Variants in GAS2L3 observed in about 807,000 individuals in gnomAD.
GAS2L3 encodes the protein growth arrest specific 2 like 3.
In GAS2L3, 28 loss-of-function variants were observed where a neutral mutation model predicts 37.0. The observed-to-expected ratio is 0.76, with a 90% CI of 0.56 to 1.04. The LOEUF (loss-of-function observed/expected upper bound fraction) is 1.04. Ranked by LOEUF, GAS2L3 falls within the 50% of genes least tolerant of loss-of-function variation. GAS2L3 has a pLI of 0.00. For missense variants in GAS2L3, 793 were observed against 817.6 expected, an observed-to-expected ratio of 0.97 and a Z score of 0.37; for synonymous variants, 290 against 296.6, an observed-to-expected ratio of 0.98 and a Z score of 0.23.
chr12:100,620,860 C>G (rs1282031196), intron 8 of GAS2L3, among the ~76,000 whole-genome samples: 2 of 151,968 alleles, frequency 1.3e-5, no homozygotes, highest in Non-Finnish European at 2.9e-5. Context: ...TAAGCCCTTT[C>G]CCAGAGTTCA....
intron 3 of GAS2L3, among the ~76,000 whole-genome samples, chr12:100,597,616 A>C (rs1186695959): frequency 1.3e-5 from 2 of 151,598 alleles, no homozygotes; most frequent in African/African-American, 4.8e-5. Context: ...GGGGTTTTTA[A>C]ATTTACTTTT....
At chr12:100,604,264 C>T (rs923121404) in intron 5 of GAS2L3, among the ~76,000 whole-genome samples, 1 of 151,936 alleles carries the variant, frequency 6.6e-6, no homozygotes, top group Admixed American at 6.6e-5. Context: ...TTGGTGTCCT[C>T]TTCAATTTTT....
At chr12:100,619,521 AG>A (rs2136570466) in intron 8 of GAS2L3, among the ~76,000 whole-genome samples, 1 of 152,212 alleles carries the variant, frequency 6.6e-6, no homozygotes, top group East Asian at 1.9e-4. Flanking sequence ...ATGTAATAAA[AG>A]TCTATAGTAA....
At chr12:100,574,626 T>G (rs1349755826) in intron 1 of GAS2L3, among the ~76,000 whole-genome samples, 1 of 152,196 alleles carries the variant, frequency 6.6e-6, no homozygotes, top group Non-Finnish European at 1.5e-5. Flanking sequence ...GTGGAATAGC[T>G]GATCCCCAGT....
rs548706470 is a variant in GAS2L3 at position 100,623,198 on chromosome 12, T to TA, written c.757-363dup. On this transcript the variant is annotated intron_variant, in intron 9 of 9. Coordinates refer to ENST00000547754, the MANE Select transcript of GAS2L3 (RefSeq NM_174942.3). ...GTAGTAGTGCACAGAGCATAGGACT[T>TA]AGAGTTAAAATTTGTGGATAATCTC... Among the ~76,000 whole-genome samples, 106 of 150,412 alleles carry TA rather than the reference T, an allele frequency of 7.0e-4. 1 individual carries two copies. Among genetic ancestry groups the TA allele is most frequent in the Admixed American group, 6.6e-3 (100 of 15,212 alleles).
chr12:100,620,191 A>G (rs1956236808), intron 8 of GAS2L3, among the ~76,000 whole-genome samples: 1 of 151,970 alleles, frequency 6.6e-6, no homozygotes, highest in Non-Finnish European at 1.5e-5. Context: ...AAATACCCTC[A>G]AATAGGGCAA....
chr12:100,600,635 T>G, intron 4 of GAS2L3, 85 bp downstream of exon 4: 1 of 1,055,560 alleles, frequency 9.5e-7, no homozygotes, highest in Non-Finnish European at 1.4e-6. Context: ...AAGGAGTGAT[T>G]GTTACAGATG....
intron 8 of GAS2L3, among the ~76,000 whole-genome samples, chr12:100,621,644 A>T (rs180773033): frequency 2.4e-4 from 36 of 152,124 alleles, no homozygotes. Flanking sequence ...GATCAAATCT[A>T]GATATTTCCC....
chr12:100,601,824 A>G (rs1474958465), intron 5 of GAS2L3, 71 bp downstream of exon 5: 1 of 723,456 alleles, frequency 1.4e-6, no homozygotes, highest in Non-Finnish European at 2.2e-6. Flanking sequence ...TCTTATCTCT[A>G]GAAGGTTGTA....
At chr12:100,578,874 C>A in intron 1 of GAS2L3, 1 of 775,714 alleles carries the variant, frequency 1.3e-6, no homozygotes, top group South Asian at 1.4e-5. Flanking sequence ...TTTTTCTACC[C>A]AAATATGGGA....
intron 1 of GAS2L3, among the ~76,000 whole-genome samples, chr12:100,576,863 T>C (rs932915915): frequency 2.0e-5 from 3 of 152,246 alleles, no homozygotes; most frequent in African/African-American, 7.2e-5. Flanking sequence ...ATGTCATCTT[T>C]GCCTCTGTAA....
chr12:100,601,179 T>C (rs1955984002), intron 4 of GAS2L3, among the ~76,000 whole-genome samples: 1 of 152,134 alleles, frequency 6.6e-6, no homozygotes, highest in Non-Finnish European at 1.5e-5. Flanking sequence ...AAATACCCAC[T>C]GTAGTTGTCT....
rs1956324719 is a variant in GAS2L3 at position 100,625,603 on chromosome 12, A to G, written c.*713A>G. The G allele has an allele frequency of 6.6e-6, 1 of 152,188 alleles. No homozygotes were observed. Among genetic ancestry groups the G allele is most frequent in the Admixed American group, 6.5e-5 (1 of 15,280 alleles). 9.4% of individuals were successfully genotyped at this position (152,188 alleles called of 1,614,324 possible). On this transcript the variant is annotated 3_prime_UTR_variant, in exon 10 of 10. Coordinates refer to ENST00000547754, the MANE Select transcript of GAS2L3 (RefSeq NM_174942.3). ...ACTGAAATATAAACAAATTTTGTAA[A>G]CAATTTTTTATATTATCTATAAAAA... is the stretch of plus-strand genomic sequence containing the variant.
rs1956333277 is a variant in GAS2L3 at position 100,626,452 on chromosome 12, T to C, written c.*1562T>C. ...CCAAATACTTGGTTTAACTCGACTA[T>C]TGACTTGGGCATTGAGAGAGATGAT... On this transcript the variant is annotated 3_prime_UTR_variant, in exon 10 of 10. Transcript: ENST00000547754. 1 of 152,220 alleles carries C rather than the reference T, an allele frequency of 6.6e-6. No individual in the cohort carries two copies. Among genetic ancestry groups the C allele is most frequent in the Non-Finnish European group, 1.5e-5 (1 of 68,040 alleles). The allele number at this position is 152,220 out of a possible 1,614,324, so 9.4% of individuals were successfully genotyped here. A position where few individuals can be genotyped will look rare whatever the true frequency, so the allele number is the denominator to read the frequency against.
rs370248898 is a variant in GAS2L3, at chr12:100,618,594, A to G, written c.648+7A>G. 2 of 1,603,164 alleles carry G rather than the reference A, an allele frequency of 1.2e-6. No homozygotes were observed. The highest frequency in any genetic ancestry group is 3.5e-5 in the Admixed American group (2 of 57,856). On this transcript the variant is annotated splice_region_variant and intron_variant, in intron 8 of 9. Coordinates refer to ENST00000547754, the MANE Select transcript of GAS2L3 (RefSeq NM_174942.3). ...TGAAGAGCTACATGAAGCTGTAAGT[A>G]GTTGCCACACTTTCTTTTGACCATG...
At chr12:100,579,253 T>G (rs929866762) in intron 1 of GAS2L3, 1 of 606,360 alleles carries the variant, frequency 1.6e-6, no homozygotes, top group Non-Finnish European at 3.0e-6. Context: ...CAAACAAACT[T>G]CTAACTGTGT....
intron 1 of GAS2L3, among the ~76,000 whole-genome samples, chr12:100,589,272 C>T (rs917173633): frequency 1.5e-4 from 23 of 151,838 alleles, no homozygotes; most frequent in African/African-American, 5.6e-4. Flanking sequence ...ATCAGTAGCT[C>T]TTCTATACAC....
In GAS2L3 at chr12:100,627,893, A is replaced by G. The variant is rs1008776580; in HGVS notation, c.*3003A>G. ...ATTTTCTATAATTTGTTAACATGAT[A>G]TGTAAAATTAAACTTCGGAGCACAA... is the stretch of plus-strand genomic sequence containing the variant. On this transcript the variant is annotated 3_prime_UTR_variant, in exon 10 of 10. Coordinates refer to ENST00000547754, the MANE Select transcript of GAS2L3 (RefSeq NM_174942.3). The G allele has an allele frequency of 6.6e-6, 1 of 152,246 alleles. No individual in the cohort carries two copies. Among genetic ancestry groups the G allele is most frequent in the Non-Finnish European group, 1.5e-5 (1 of 68,044 alleles). 9.4% of individuals were successfully genotyped at this position (152,246 alleles called of 1,614,324 possible).
intron 5 of GAS2L3, among the ~76,000 whole-genome samples, chr12:100,607,872 C>A (rs1349113019): frequency 6.6e-6 from 1 of 152,066 alleles, no homozygotes; most frequent in Admixed American, 6.5e-5. Flanking sequence ...ATTTTAAATT[C>A]TCTGTCTGAA....
Sources: allele counts gnomAD v4.1 joint callset (sites outside exome capture counted in the v4.1 genomes callset), GRCh38; gene constraint gnomAD v4.1.1; transcripts MANE v1.5; gene names NCBI Gene and HGNC (gene_info 2026-07-23, HGNC 2026-07-21).